ARID5B: variants seen among roughly 807,000 people sequenced by gnomAD.
ARID5B encodes the protein AT-rich interactive domain-containing protein 5B.
In ARID5B, 13 loss-of-function variants were observed where a neutral mutation model predicts 97.2. The ratio of observed to expected loss-of-function variants is 0.13; its 90% CI spans 0.09 to 0.21. ARID5B has a LOEUF of 0.21. Among genes scored for constraint, ARID5B ranks in the 10% least tolerant of loss-of-function variants. The pLI is 1.00. For missense variants in ARID5B, 1,210 were observed against 1,465.3 expected, an observed-to-expected ratio of 0.83 and a Z score of 2.84; for synonymous variants, 556 against 570.3, an observed-to-expected ratio of 0.97 and a Z score of 0.36.
intron 3 of ARID5B, among the ~76,000 whole-genome samples, chr10:61,977,568 T>C (rs1293822285): frequency 1.3e-5 from 2 of 152,244 alleles, no homozygotes; most frequent in Admixed American, 1.3e-4. Context: ...TGTGAGATGG[T>C]ATCTCATTGT....
At chr10:62,005,727 A>C (rs765485411) in intron 4 of ARID5B, among the ~76,000 whole-genome samples, 1 of 152,340 alleles carries the variant, frequency 6.6e-6, no homozygotes, top group East Asian at 1.9e-4. Context: ...GAAATTCAGG[A>C]CGTATAAAAT....
intron 4 of ARID5B, among the ~76,000 whole-genome samples, chr10:62,038,826 G>A (rs919568723): frequency 1.2e-4 from 18 of 152,058 alleles, no homozygotes; most frequent in Admixed American, 5.2e-4. Context: ...GCATCCCATC[G>A]ACTCACCACG....
chr10:61,909,228 G>A (rs1355478125), intron 2 of ARID5B, among the ~76,000 whole-genome samples: 2 of 150,736 alleles, frequency 1.3e-5, no homozygotes, highest in African/African-American at 4.9e-5. Context: ...CTGACCCTAT[G>A]CTCCCCCCAC....
rs1342415793 is a variant in ARID5B, at chr10:62,006,201, G to A, written c.733+5880G>A. 3.3e-5 allele frequency among the ~76,000 whole-genome samples: 5 copies of A among 152,146 alleles called. No individual in the cohort carries two copies. In the South Asian group the frequency reaches 8.3e-4, roughly 25 times the overall value. On this transcript the variant is annotated intron_variant, in intron 4 of 9. Transcript: ENST00000279873. ...TCACACCTGTAATCCTAGCACTTTGGGAGACTGAGGCAGGTGGATCACCAG... is the reference window on the plus strand; with the variant it reads ...TCACACCTGTAATCCTAGCACTTTGAGAGACTGAGGCAGGTGGATCACCAG...
chr10:61,987,639 GT>G (rs1838865556), intron 3 of ARID5B, among the ~76,000 whole-genome samples: 1 of 152,204 alleles, frequency 6.6e-6, no homozygotes, highest in Non-Finnish European at 1.5e-5. Context: ...TCACACAACT[GT>G]GCCGTCGTAG....
At chr10:61,941,120 A>C (rs560335689) in intron 3 of ARID5B, among the ~76,000 whole-genome samples, 37 of 149,848 alleles carry the variant, frequency 2.5e-4, no homozygotes, top group African/African-American at 8.8e-4. Flanking sequence ...CAAATAATTT[A>C]ACTTCTAAGC....
chr10:61,943,470 G>GT (rs1554839368), intron 3 of ARID5B, among the ~76,000 whole-genome samples: 3 of 148,372 alleles, frequency 2.0e-5, no homozygotes, highest in Admixed American at 6.7e-5. Flanking sequence ...ATTATTTGAG[G>GT]CCCCCCCCCT....
rs1214679041 is a variant in ARID5B at position 62,000,509 on chromosome 10, T to C, written c.733+188T>C. On this transcript the variant is annotated intron_variant, in intron 4 of 9. Coordinates refer to ENST00000279873, the MANE Select transcript of ARID5B (RefSeq NM_032199.3). The surrounding 1 kb of genome is among the most constrained non-coding windows in gnomAD (Gnocchi z 4.4). ...TGCCTCCTTCGTAGCCTCTGTTTAC[T>C]ATGAGTAAGAGATGATTATTTATAA... Among the ~76,000 whole-genome samples, 3 of 147,448 alleles carry C rather than the reference T, an allele frequency of 2.0e-5. No individual in the cohort carries two copies. The highest frequency in any genetic ancestry group is 7.4e-5 in the African/African-American group (3 of 40,488).
rs1258217169 is a variant in ARID5B, at chr10:61,977,666, G to A, written c.503-22425G>A. ...CTGTACAAATGTCTTCTTTTGAGAA[G>A]TGTCTGTTCATATCCTTTGCCCACT... On this transcript the variant is annotated intron_variant, in intron 3 of 9. Coordinates refer to ENST00000279873, the MANE Select transcript of ARID5B (RefSeq NM_032199.3). Among the ~76,000 whole-genome samples the A allele has an allele frequency of 3.9e-5, 6 of 152,320 alleles. No individual in the cohort carries two copies. In the South Asian group the frequency reaches 1.2e-3, roughly 32 times the overall value.
At chr10:61,957,563 C>T (rs571783142) in intron 3 of ARID5B, among the ~76,000 whole-genome samples, 9 of 152,338 alleles carry the variant, frequency 5.9e-5, no homozygotes, top group African/African-American at 1.7e-4. Context: ...GCCACTGCGC[C>T]CGGCCTGTCT....
intron 3 of ARID5B, among the ~76,000 whole-genome samples, chr10:61,974,089 G>A (rs1838667521): frequency 6.6e-6 from 1 of 152,028 alleles, no homozygotes; most frequent in Admixed American, 6.6e-5. Flanking sequence ...ATGAAACTTT[G>A]GCTAAATTTA....
chr10:61,958,395 A>C (rs919722975), intron 3 of ARID5B, among the ~76,000 whole-genome samples: 4 of 151,202 alleles, frequency 2.6e-5, no homozygotes, highest in Non-Finnish European at 5.9e-5. Context: ...CGCCCGGCTA[A>C]TTTTTGTATT....
intron 3 of ARID5B, among the ~76,000 whole-genome samples, chr10:61,957,089 T>G (rs567859168): frequency 6.6e-6 from 1 of 152,328 alleles, no homozygotes; most frequent in Admixed American, 6.5e-5. Flanking sequence ...TTAACAGTAG[T>G]GCAGAGCTCT....
intron 3 of ARID5B, among the ~76,000 whole-genome samples, chr10:61,993,647 A>G (rs1001527028): frequency 2.0e-5 from 3 of 152,232 alleles, no homozygotes; most frequent in Non-Finnish European, 4.4e-5. Flanking sequence ...ATAATAAAAA[A>G]TGCATGGACA....
intron 2 of ARID5B, among the ~76,000 whole-genome samples, chr10:61,913,820 C>T (rs1843850383): frequency 6.6e-6 from 1 of 152,228 alleles, no homozygotes; most frequent in Admixed American, 6.5e-5. Context: ...GGCGCAATCT[C>T]AGCTCACCGC....
chr10:61,903,190 A>G lies in ARID5B; in HGVS notation c.276+777A>G, dbSNP rs530060465. Among the ~76,000 whole-genome samples the G allele has an allele frequency of 6.0e-5, 9 of 150,850 alleles. No homozygotes were observed. The South Asian group carries it at 1.5e-3, about 25-fold the overall frequency. ...GTGTGGGACGGGGGCGGGGGAGGGG[A>G]GGGCAGAGGGGTGTGTGCTCGCCCA... On this transcript the variant is annotated intron_variant, in intron 2 of 9. Coordinates refer to ENST00000279873, the MANE Select transcript of ARID5B (RefSeq NM_032199.3).
Position 62,093,149 on chromosome 10 carries a change from TC to T in ARID5B, c.*122del. ...TCTTCTAATCTGAGGCTATGATCAG[TC>T]CCAGCTGTAGGGGCCCAGAGGGGAG... is the stretch of plus-strand genomic sequence containing the variant. On this transcript the variant is annotated 3_prime_UTR_variant, in exon 10 of 10. Transcript: ENST00000279873. 1 of 1,443,980 alleles carries T rather than the reference TC, an allele frequency of 6.9e-7. No individual in the cohort carries two copies. Among genetic ancestry groups the T allele is most frequent in the Non-Finnish European group, 9.2e-7 (1 of 1,087,430 alleles). The allele number at this position is 1,443,980 out of a possible 1,614,324, so 89.4% of individuals were successfully genotyped here.
intron 3 of ARID5B, among the ~76,000 whole-genome samples, chr10:61,988,486 C>T (rs1838876935): frequency 6.6e-6 from 1 of 152,144 alleles, no homozygotes; most frequent in Non-Finnish European, 1.5e-5. Flanking sequence ...TCACCAGAAA[C>T]CAAAGGTGGC....
At chr10:61,989,841 A>G (rs919614141) in intron 3 of ARID5B, among the ~76,000 whole-genome samples, 3 of 152,182 alleles carry the variant, frequency 2.0e-5, no homozygotes, top group Non-Finnish European at 4.4e-5. Flanking sequence ...AAAGATCAAA[A>G]GGCTATGGCT....
Sources: allele counts gnomAD v4.1 joint callset (sites outside exome capture counted in the v4.1 genomes callset), GRCh38; gene constraint gnomAD v4.1.1; non-coding constraint Gnocchi (gnomAD v3.1); transcripts MANE v1.5; gene names NCBI Gene and HGNC (gene_info 2026-07-23, HGNC 2026-07-21).